Variants in PGM3 observed in about 807,000 individuals in gnomAD.
The protein encoded by PGM3 is phosphoacetylglucosamine mutase.
Under a neutral mutation model 66.2 loss-of-function variants are expected in PGM3, and 40 were observed. That is an observed-to-expected ratio of 0.60 (90% CI 0.47 to 0.79). The LOEUF is 0.79. PGM3 is among the 30% of genes least tolerant of loss of function. The pLI is 0.00. For synonymous variants in PGM3, 191 were observed against 224.2 expected, an observed-to-expected ratio of 0.85 and a Z score of 1.32; for missense variants, 537 against 643.4, an observed-to-expected ratio of 0.83 and a Z score of 1.79.
chr6:83,174,237 T>C, intron 10 of PGM3, 137 bp downstream of exon 10: 1 of 608,368 alleles, frequency 1.6e-6, no homozygotes, highest in Non-Finnish European at 2.9e-6. Context: ...AAATCTCAAC[T>C]GAATATACCA....
the PGM3 span, chr6:83,151,535 G>T: frequency 3.6e-6 from 5 of 1,378,418 alleles, no homozygotes; most frequent in South Asian, 5.3e-5. Flanking sequence ...AAATTAGATC[G>T]CATTAGTTTC....
the PGM3 span, chr6:83,153,824 A>G: frequency 1.3e-6 from 2 of 1,484,478 alleles, no homozygotes; most frequent in Non-Finnish European, 1.8e-6. Context: ...AAATGTGAAC[A>G]TTTATGTATA....
At chr6:83,159,787 T>C, downstream of PGM3, 4 of 1,614,178 alleles carry the variant, frequency 2.5e-6, no homozygotes, top group Middle Eastern at 3.3e-4. Context: ...CACTGTCTCC[T>C]GCTTACAGGA....
the PGM3 span, among the ~76,000 whole-genome samples, chr6:83,152,970 T>A: frequency 6.6e-6 from 1 of 152,196 alleles, no homozygotes; most frequent in Non-Finnish European, 1.5e-5. Flanking sequence ...ATTTTACAAT[T>A]TACCAAACAT....
chr6:83,187,520 C>T lies in PGM3; in HGVS notation c.390-445G>A, dbSNP rs143034798. Among the ~76,000 whole-genome samples, 5 of 152,216 alleles carry T rather than the reference C, an allele frequency of 3.3e-5. No individual in the cohort carries two copies. In the East Asian group the frequency reaches 9.7e-4, roughly 29 times the overall value. ...ATCTATCTGAAAATAAAACAGATTACAAAACTGCCTTGGCCAGGCACAGTG... is the reference window on the plus strand; with the variant it reads ...ATCTATCTGAAAATAAAACAGATTATAAAACTGCCTTGGCCAGGCACAGTG... On this transcript the variant is annotated intron_variant, in intron 3 of 12. Coordinates refer to ENST00000513973, the MANE Select transcript of PGM3 (RefSeq NM_015599.3).
chr6:83,152,844 C>T, the PGM3 span, among the ~76,000 whole-genome samples: 2 of 152,068 alleles, frequency 1.3e-5, no homozygotes, highest in African/African-American at 4.8e-5. Flanking sequence ...TCTCGAACTC[C>T]TGACCTCAGG....
rs557782883 is a variant in PGM3, at chr6:83,167,122, C to A, written c.*2112G>T. The A allele has an allele frequency of 2.4e-5, 23 of 962,008 alleles. No homozygotes were observed. In the African/African-American group the frequency reaches 3.7e-4, roughly 15 times the overall value. The allele number at this position is 962,008 out of a possible 1,614,324, so 59.6% of individuals were successfully genotyped here. ...TTTAGTTGACAGAGTTTTCACATACCTTCTCATTTGACTTCTCTACTAAAA... is the reference window on the plus strand; with the variant it reads ...TTTAGTTGACAGAGTTTTCACATACATTCTCATTTGACTTCTCTACTAAAA... On this transcript the variant is annotated 3_prime_UTR_variant, in exon 13 of 13. Coordinates refer to ENST00000513973, the MANE Select transcript of PGM3 (RefSeq NM_015599.3).
At chr6:83,157,325 T>C (rs1240241832), downstream of PGM3, 1 of 1,612,300 alleles carries the variant, frequency 6.2e-7, no homozygotes, top group South Asian at 1.1e-5. Flanking sequence ...ACTTGTGAGT[T>C]AATTTTAATT....
At chr6:83,148,988 A>G in the PGM3 span, 5 of 538,606 alleles carry the variant, frequency 9.3e-6, no homozygotes, top group Non-Finnish European at 1.5e-5. Context: ...TGTTCTTGAG[A>G]TGCAAAACTA....
At position 83,168,529 on chromosome 6, in the gene PGM3, T is replaced by G. The variant is rs1786394203; in HGVS notation, c.*705A>C. Reference sequence around the variant, plus strand: ...GTTGGGGATTTTTCTCTTTTCCTTATTAACCATGTTCTGGTATCAGAATGG... The same window carrying G: ...GTTGGGGATTTTTCTCTTTTCCTTAGTAACCATGTTCTGGTATCAGAATGG... On this transcript the variant is annotated 3_prime_UTR_variant, in exon 13 of 13. Coordinates refer to ENST00000513973, the MANE Select transcript of PGM3 (RefSeq NM_015599.3). The G allele has an allele frequency of 5.9e-6, 6 of 1,009,050 alleles. No individual in the cohort carries two copies. In the South Asian group the frequency reaches 2.5e-4, roughly 42 times the overall value. The allele number at this position is 1,009,050 out of a possible 1,614,324, so 62.5% of individuals were successfully genotyped here. A position where few individuals can be genotyped will look rare whatever the true frequency, so the allele number is the denominator to read the frequency against.
chr6:83,182,813 T>A (rs1788281713), intron 5 of PGM3, 32 bp downstream of exon 5: 1 of 1,598,618 alleles, frequency 6.3e-7, no homozygotes, highest in Non-Finnish European at 8.6e-7. Context: ...ATTCATTTGT[T>A]TAACTTTAAC....
chr6:83,177,171 A>G (rs1787833292), intron 8 of PGM3, among the ~76,000 whole-genome samples: 1 of 152,174 alleles, frequency 6.6e-6, no homozygotes, highest in African/African-American at 2.4e-5. Context: ...TTACCTGTCC[A>G]AATCCTGCAG....
At chr6:83,154,146 C>T in the PGM3 span, 3 of 1,611,626 alleles carry the variant, frequency 1.9e-6, no homozygotes, top group South Asian at 1.1e-5. Context: ...ACAGTAACAA[C>T]ATAATTACAT....
chr6:83,169,009 A>G lies in PGM3; in HGVS notation c.*225T>C. The G allele has an allele frequency of 1.5e-6, 2 of 1,337,906 alleles. No homozygotes were observed. Among genetic ancestry groups the G allele is most frequent in the African/African-American group, 2.9e-5 (2 of 68,138 alleles). The allele number at this position is 1,337,906 out of a possible 1,614,324, so 82.9% of individuals were successfully genotyped here. ...TTGTATACTTAAGTCCCAGTATTTT[A>G]CATTAGTGAGACTGAAATTAGAGGT... On this transcript the variant is annotated 3_prime_UTR_variant, in exon 13 of 13. Coordinates refer to ENST00000513973, the MANE Select transcript of PGM3 (RefSeq NM_015599.3).
downstream of PGM3, chr6:83,158,634 T>C (rs1434404163): frequency 1.3e-6 from 2 of 1,583,098 alleles, no homozygotes; most frequent in South Asian, 2.3e-5. Context: ...TAATATGTAA[T>C]TTAAATATAT....
chr6:83,155,258 T>TTA, the PGM3 span, among the ~76,000 whole-genome samples: 1,163 of 151,172 alleles, frequency 7.7e-3, 12 homozygotes, highest in African/African-American at 0.027. Flanking sequence ...GGCCAGGAGT[T>TTA]TGAGACTAAC....
chr6:83,170,020 A>G (rs1786763485), intron 12 of PGM3, among the ~76,000 whole-genome samples: 1 of 152,254 alleles, frequency 6.6e-6, no homozygotes, highest in Non-Finnish European at 1.5e-5. Context: ...TATAGTGCAT[A>G]AACTAAGTAT....
the PGM3 span, chr6:83,152,462 A>G: frequency 3.9e-6 from 2 of 512,438 alleles, no homozygotes; most frequent in Admixed American, 4.1e-5. Flanking sequence ...CTAATTTGAG[A>G]AACTATTTTG....
rs754506754 is a variant in PGM3 at position 83,170,369 on chromosome 6, C to G, written c.1475G>C (p.Arg492Pro). ...NDLVKKYKLS[R>P]AFVRPSGTED... The stretch of plus-strand genomic sequence containing the variant: ...TGTACCAGAGGGCCGGACAAAAGCT[C>G]GAGAAAGCTTGTACTTCTTCACCAG... The change falls in exon 12 of 13, where the codon CGA (arginine) becomes CCA (proline). Residue 492 changes from arginine (R) to proline (P), a missense_variant. By Grantham distance (103) the Arg-to-Pro change is moderately radical. Coordinates refer to ENST00000513973, the MANE Select transcript of PGM3 (RefSeq NM_015599.3). 2 of 1,614,128 alleles carry G rather than the reference C, an allele frequency of 1.2e-6. No individual in the cohort carries two copies. The highest frequency in any genetic ancestry group is 1.6e-4 in the Middle Eastern group (1 of 6,062).
Sources: gnomAD v4.1 joint callset for allele counts (sites outside exome capture counted in the v4.1 genomes callset) on GRCh38, gnomAD v4.1.1 for gene constraint, MANE v1.5 for transcripts, NCBI Gene and HGNC (gene_info 2026-07-23, HGNC 2026-07-21) for gene names.